Variants in DMD observed in about 807,000 individuals in gnomAD.
DMD encodes the protein mutant dystrophin.
DMD carries 63 observed loss-of-function variants against 330.1 expected under a neutral mutation model. That is an observed-to-expected ratio of 0.19 (90% CI 0.16 to 0.24). The LOEUF (loss-of-function observed/expected upper bound fraction) is 0.24. DMD is among the 10% of genes least tolerant of loss of function. The pLI is 1.00. For missense variants in DMD, 3,344 were observed against 2,684.1 expected (o/e 1.25, Z -5.43); for synonymous variants, 1,223 against 959.8 (o/e 1.27, Z -5.07).
chrX:32,340,870 A>T (rs1280511192), intron 41 of DMD, among the ~76,000 whole-genome samples: 1 of 111,830 alleles, frequency 8.9e-6, no homozygotes, highest in Non-Finnish European at 1.9e-5. Context: ...CTTCACATGC[A>T]ATACAGTTTC....
chrX:31,865,862 G>T (rs960326886), intron 48 of DMD, among the ~76,000 whole-genome samples: 2 of 111,695 alleles, frequency 1.8e-5, no homozygotes, highest in Non-Finnish European at 3.8e-5. Context: ...CGTTTGTAGA[G>T]ACCTCATTCA....
At chrX:32,025,441 T>G (rs1223895544) in intron 44 of DMD, among the ~76,000 whole-genome samples, 1 of 111,888 alleles carries the variant, frequency 8.9e-6, no homozygotes, top group African/African-American at 3.2e-5. Context: ...TCAGTAGTCA[T>G]GTGTATCTAG....
intron 63 of DMD, among the ~76,000 whole-genome samples, chrX:31,247,019 C>T (rs1374291681): frequency 3.6e-5 from 4 of 111,517 alleles, no homozygotes; most frequent in African/African-American, 1.3e-4. Context: ...TATCTGTTTA[C>T]GGCATGGTTT....
intron 17 of DMD, among the ~76,000 whole-genome samples, chrX:32,536,104 A>C (rs367827308): frequency 1.8e-5 from 2 of 109,473 alleles, no homozygotes; most frequent in Admixed American, 9.8e-5. Context: ...ATCTCTACTA[A>C]AAATACAAAA....
At chrX:32,572,645 C>A (rs1252962152) in intron 15 of DMD, among the ~76,000 whole-genome samples, 2 of 108,747 alleles carry the variant, frequency 1.8e-5, no homozygotes, top group Non-Finnish European at 3.8e-5. Flanking sequence ...AAAGAAATCT[C>A]ATTCTCAAAA....
intron 55 of DMD, among the ~76,000 whole-genome samples, chrX:31,571,386 C>A (rs2075812602): frequency 1.0e-5 from 1 of 97,386 alleles, no homozygotes; most frequent in African/African-American, 4.0e-5. Context: ...AGTCCTGATG[C>A]CTCAAATTTA....
intron 43 of DMD, among the ~76,000 whole-genome samples, chrX:32,243,800 C>A (rs764761189): frequency 6.3e-4 from 70 of 111,203 alleles, no homozygotes; most frequent in Admixed American, 1.5e-3. Flanking sequence ...TAGTTTATCA[C>A]AATGTACACA....
intron 45 of DMD, among the ~76,000 whole-genome samples, chrX:31,937,478 A>C (rs1459885576): frequency 9.0e-6 from 1 of 111,669 alleles, no homozygotes; most frequent in African/African-American, 3.2e-5. Flanking sequence ...AAATATGAAA[A>C]CATTTGGTAG....
At chrX:32,481,626 G>T (rs2041907946) in intron 21 of DMD, among the ~76,000 whole-genome samples, 3 of 111,232 alleles carry the variant, frequency 2.7e-5, no homozygotes, top group Non-Finnish European at 5.7e-5. Flanking sequence ...TTGGCAATTT[G>T]TGTTTCTTTT....
Position 31,784,255 on chromosome X carries a change from A to G in DMD, c.7310-10063T>C, listed in dbSNP as rs919907422. Among the ~76,000 whole-genome samples the G allele has an allele frequency of 3.6e-5, 4 of 111,965 alleles. 1 individual carries two copies. Among genetic ancestry groups the G allele is most frequent in the Admixed American group, 9.5e-5 (1 of 10,502 alleles). ...TCTGAAAACATACTCAACATCGTCA[A>G]TCATCGGGGAAATGCAAATGAAGAA... is the stretch of plus-strand genomic sequence containing the variant. On this transcript the variant is annotated intron_variant, in intron 50 of 78. Transcript: ENST00000357033.
intron 43 of DMD, among the ~76,000 whole-genome samples, chrX:32,259,378 A>G (rs1250454491): frequency 1.8e-5 from 2 of 111,297 alleles, no homozygotes; most frequent in East Asian, 2.8e-4. Flanking sequence ...AGCACCTTCT[A>G]TGAAATGTAT....
chrX:32,062,828 C>T (rs995760068), intron 44 of DMD, among the ~76,000 whole-genome samples: 5 of 109,476 alleles, frequency 4.6e-5, no homozygotes, highest in African/African-American at 1.7e-4. Flanking sequence ...GAAAACAGAA[C>T]CAAAAGCCAG....
chrX:31,628,066 G>A (rs1473570913), intron 54 of DMD, among the ~76,000 whole-genome samples: 1 of 111,195 alleles, frequency 9.0e-6, no homozygotes, highest in Admixed American at 9.7e-5. Context: ...AAAGGCGTTT[G>A]TATGGGGGAA....
intron 60 of DMD, among the ~76,000 whole-genome samples, chrX:31,405,805 G>A (rs988496029): frequency 1.4e-4 from 16 of 111,530 alleles, no homozygotes; most frequent in Non-Finnish European, 2.6e-4. Flanking sequence ...AGCAATCTAT[G>A]ACAATTTTCT....
At chrX:31,975,051 A>G (rs765531071) in intron 44 of DMD, among the ~76,000 whole-genome samples, 1 of 110,363 alleles carries the variant, frequency 9.1e-6, no homozygotes, top group East Asian at 2.9e-4. Context: ...TGGGCCAAAA[A>G]GAAAAAATCA....
At chrX:31,524,547 C>T (rs1242631984) in intron 55 of DMD, among the ~76,000 whole-genome samples, 1 of 111,962 alleles carries the variant, frequency 8.9e-6, no homozygotes, top group African/African-American at 3.2e-5. Context: ...ACCCCGGTTT[C>T]ACTCTGATAA....
intron 54 of DMD, among the ~76,000 whole-genome samples, chrX:31,628,070 G>A (rs1185842207): frequency 9.0e-6 from 1 of 111,112 alleles, no homozygotes. Context: ...GCGTTTGTAT[G>A]GGGGAAGGCA....
intron 50 of DMD, among the ~76,000 whole-genome samples, chrX:31,803,280 G>T (rs2092147676): frequency 8.9e-6 from 1 of 112,157 alleles, no homozygotes. Flanking sequence ...AACTCACACA[G>T]GGCTGTCCAC....
At chrX:31,221,874 G>A (rs776001285) in intron 64 of DMD, among the ~76,000 whole-genome samples, 6 of 110,832 alleles carry the variant, frequency 5.4e-5, no homozygotes, top group Non-Finnish European at 9.5e-5. Flanking sequence ...TGACCAACAT[G>A]GTGAAACCCC....
Sources: allele counts gnomAD v4.1 joint callset (sites outside exome capture counted in the v4.1 genomes callset), GRCh38; gene constraint gnomAD v4.1.1; transcripts MANE v1.5; gene names NCBI Gene and HGNC (gene_info 2026-07-23, HGNC 2026-07-21).